Variants in BBOF1 observed in about 807,000 individuals in gnomAD.
The protein encoded by BBOF1 is basal body-orientation factor 1.
A neutral mutation model predicts 68.0 loss-of-function variants in BBOF1; 62 were observed. The observed-to-expected ratio is 0.91, with a 90% confidence interval of 0.74 to 1.13. BBOF1 has a LOEUF of 1.13. Ranked by LOEUF, BBOF1 falls within the 50% of genes most tolerant of loss-of-function variation. The pLI is 0.00. For synonymous variants in BBOF1, 208 were observed against 198.8 expected, an observed-to-expected ratio of 1.05 and a Z score of -0.39; for missense variants, 534 against 600.1, an observed-to-expected ratio of 0.89 and a Z score of 1.15.
downstream of BBOF1, chr14:74,066,778 T>A (rs766867526): frequency 6.2e-7 from 1 of 1,614,034 alleles, no homozygotes; most frequent in African/African-American, 1.3e-5. Flanking sequence ...TTTTCGTCCA[T>A]CAAGAAGGAT....
intron 6 of BBOF1, among the ~76,000 whole-genome samples, chr14:74,047,413 T>TTATG (rs144590460): frequency 0.096 from 14,359 of 150,254 alleles, 848 homozygotes; most frequent in South Asian, 0.19. Context: ...TTCACTTTAT[T>TTATG]TATTTATTTA....
chr14:74,060,244 C>T (rs1490321421), intron 11 of BBOF1: 1 of 193,774 alleles, frequency 5.2e-6, no homozygotes, highest in Non-Finnish European at 1.1e-5. Context: ...AAGCAATCTG[C>T]CCACTGTGGC....
At chr14:74,041,651 A>T (rs937880328) in intron 5 of BBOF1, among the ~76,000 whole-genome samples, 10 of 152,128 alleles carry the variant, frequency 6.6e-5, no homozygotes, top group Admixed American at 6.6e-4. Flanking sequence ...CACCTCCTGG[A>T]TTCAAGCAAT....
At chr14:74,040,744 TA>T (rs2059810728) in intron 5 of BBOF1, 99 bp downstream of exon 5, 1 of 651,384 alleles carries the variant, frequency 1.5e-6, no homozygotes, top group Non-Finnish European at 2.6e-6. Flanking sequence ...GGTATCTTAA[TA>T]GAAGATTAGA....
At chr14:74,031,682 A>G (rs2059573110) in intron 3 of BBOF1, 1 of 152,040 alleles carries the variant, frequency 6.6e-6, no homozygotes, top group African/African-American at 2.4e-5. Flanking sequence ...TGGTTTTTCC[A>G]TCTCTTTCTT....
chr14:74,035,367 T>G (rs1218791319), intron 4 of BBOF1, among the ~76,000 whole-genome samples: 1 of 151,718 alleles, frequency 6.6e-6, no homozygotes, highest in East Asian at 1.9e-4. Flanking sequence ...AAGTGGCTGT[T>G]AAGTTGGTGC....
chr14:74,050,307 C>T (rs1353250229), intron 8 of BBOF1, 112 bp downstream of exon 8: 2 of 1,237,138 alleles, frequency 1.6e-6, no homozygotes, highest in East Asian at 2.4e-5. Flanking sequence ...ATAGATTTCT[C>T]AGTAGGTTAC....
chr14:74,032,577 T>A (rs1408001681), intron 3 of BBOF1, among the ~76,000 whole-genome samples: 1 of 149,666 alleles, frequency 6.7e-6, no homozygotes, highest in African/African-American at 2.5e-5. Flanking sequence ...CACTGCAACC[T>A]CCACCTCCCA....
intron 6 of BBOF1, 64 bp from the exon 7 acceptor site, chr14:74,047,866 A>G: frequency 6.9e-7 from 1 of 1,444,928 alleles, no homozygotes. Flanking sequence ...TGAAGCAATC[A>G]TTTTTCTATT....
chr14:74,071,385 T>C, intron 9 of BBOF1: 3 of 1,614,136 alleles, frequency 1.9e-6, no homozygotes, highest in Non-Finnish European at 2.5e-6. Flanking sequence ...GAGCAATGCC[T>C]GCACACACTC....
chr14:74,051,228 G>C (rs2060061570), intron 8 of BBOF1, among the ~76,000 whole-genome samples: 1 of 151,070 alleles, frequency 6.6e-6, no homozygotes, highest in Admixed American at 6.6e-5. Context: ...TGGGTGACAA[G>C]AGCAAAACAC....
At position 74,064,943 on chromosome 14, in the gene BBOF1, C is replaced by G. The variant is rs890167626; in HGVS notation, c.*244C>G. On this transcript the variant is annotated 3_prime_UTR_variant, in exon 12 of 12. Transcript: ENST00000394009. ...CACCTAAAACAGAACAAATCCGTGT[C>G]ATATCCTAAGGACAAAGGAACTCTC... 1 of 1,601,624 alleles carries G rather than the reference C, an allele frequency of 6.2e-7. No homozygotes were observed. Among genetic ancestry groups the G allele is most frequent in the South Asian group, 1.1e-5 (1 of 90,520 alleles).
At chr14:74,026,244 C>T (rs1216486797) in intron 2 of BBOF1, among the ~76,000 whole-genome samples, 1 of 151,404 alleles carries the variant, frequency 6.6e-6, no homozygotes, top group Non-Finnish European at 1.5e-5. Flanking sequence ...CAGTTTGAGA[C>T]CAGCCTGGCC....
Position 74,046,078 on chromosome 14 carries a change from G to A in BBOF1, c.595G>A (p.Ala199Thr). 2 of 1,608,508 alleles carry A rather than the reference G, an allele frequency of 1.2e-6. No individual in the cohort carries two copies. Among genetic ancestry groups the A allele is most frequent in the South Asian group, 1.1e-5 (1 of 89,736 alleles). Residue 199 changes from alanine to threonine, a missense_variant, in exon 6 of 12, where the codon GCT becomes ACT. Ala to Thr is a moderately conservative substitution (Grantham distance 58). Transcript: ENST00000394009. ...FEEKHRLEQE[A>T]EKKIIMLAER... ...TTTTTAGCACCGACTAGAACAAGAG[G>A]CTGAAAAGAAGATAATAATGCTAGC...
rs776319322 is a variant in BBOF1, at chr14:74,065,294, A to G, written c.*595A>G. On this transcript the variant is annotated 3_prime_UTR_variant, in exon 12 of 12. Coordinates refer to ENST00000394009, the MANE Select transcript of BBOF1 (RefSeq NM_025057.3). ...TTTACAATCTGGATGGCTTCATCCA[A>G]TGTTTCTGTCTCCAGAACCACAAGA... 3.1e-6 allele frequency: 5 copies of G among 1,613,950 alleles called. No individual in the cohort carries two copies. The highest frequency in any genetic ancestry group is 2.2e-5 in the East Asian group (1 of 44,894).
In BBOF1 at chr14:74,056,752, G is replaced by C. The variant is rs150335471; in HGVS notation, c.1389-154G>C. 5.0e-3 allele frequency: 3,079 copies of C among 612,502 alleles called. 16 individuals are homozygous for C. Among genetic ancestry groups the C allele is most frequent in the Non-Finnish European group, 7.0e-3 (2,400 of 344,330 alleles). The allele number at this position is 612,502 out of a possible 1,614,324, so 37.9% of individuals were successfully genotyped here. A position where few individuals can be genotyped will look rare whatever the true frequency, so the allele number is the denominator to read the frequency against. On this transcript the variant is annotated intron_variant, in intron 9 of 11. Transcript: ENST00000394009. The stretch of plus-strand genomic sequence containing the variant: ...TGTGATTATTTCACATTGCATGCCT[G>C]TATCAAAACATCTCACGTACCCCAC...
At chr14:74,069,156 G>A (rs1298885054), downstream of BBOF1, 18 of 611,828 alleles carry the variant, frequency 2.9e-5, no homozygotes, top group South Asian at 1.2e-4. Context: ...CCAGGCTGGA[G>A]TGCAGTGGCA....
intron 3 of BBOF1, among the ~76,000 whole-genome samples, chr14:74,030,346 A>G (rs1036511727): frequency 2.6e-5 from 4 of 151,024 alleles, no homozygotes; most frequent in Non-Finnish European, 1.5e-5. Context: ...ACACCACCAC[A>G]CCTGACTTAG....
At chr14:74,029,663 C>G (rs1398013587) in intron 3 of BBOF1, among the ~76,000 whole-genome samples, 2 of 134,260 alleles carry the variant, frequency 1.5e-5, no homozygotes, top group African/African-American at 5.6e-5. Context: ...GCCTGGGTGA[C>G]AAGAGTGAAA....
Sources: gnomAD v4.1 joint callset for allele counts (sites outside exome capture counted in the v4.1 genomes callset) on GRCh38, gnomAD v4.1.1 for gene constraint, MANE v1.5 for transcripts, NCBI Gene and HGNC (gene_info 2026-07-23, HGNC 2026-07-21) for gene names.